LTBP4: variants seen among roughly 807,000 people sequenced by gnomAD.
LTBP4 encodes latent-transforming growth factor beta-binding protein 4.
Under a neutral mutation model 180.2 loss-of-function variants are expected in LTBP4, and 93 were observed. The ratio of observed to expected loss-of-function variants is 0.52; its 90% CI spans 0.44 to 0.61. LTBP4 has a LOEUF of 0.61. LTBP4 is among the 20% of genes least tolerant of loss of function. LTBP4 has a pLI of 0.00. For synonymous variants in LTBP4, 947 were observed against 934.5 expected (o/e 1.01, Z -0.24); for missense variants, 2,116 against 2,256.5 (o/e 0.94, Z 1.26).
chr19:40,618,788 A>T (rs2081566990), intron 21 of LTBP4, among the ~76,000 whole-genome samples: 1 of 152,250 alleles, frequency 6.6e-6, no homozygotes, highest in Non-Finnish European at 1.5e-5. Flanking sequence ...ATTTCTTTAA[A>T]GGGAATTAAA....
upstream of LTBP4, among the ~76,000 whole-genome samples, chr19:40,597,023 G>C (rs1349918699): frequency 1.3e-5 from 2 of 152,106 alleles, no homozygotes; most frequent in Non-Finnish European, 1.5e-5. Context: ...CCCCTAGTCC[G>C]GCACCTGTCC....
At position 40,611,980 on chromosome 19, in the gene LTBP4, C is replaced by T. The variant is rs141810975; in HGVS notation, c.2175C>T (p.Cys725=). ...AACCCAACACTGCTGGCTCCGAGTGCGAGGGTGAGGCCGGGGAGGGAGGGA... is the reference window on the plus strand; with the variant it reads ...AACCCAACACTGCTGGCTCCGAGTGTGAGGGTGAGGCCGGGGAGGGAGGGA... ...GFQPNTAGSE[C]EDVDECENHL... The change falls in exon 14 of 30, where the codon TGC becomes TGT. Residue 725 remains cysteine, a synonymous_variant. Transcript: ENST00000396819. This position sits in a 1 kb window ranked among gnomAD's most constrained non-coding sequence, Gnocchi z 4.4. 1.6e-3 allele frequency: 2,553 copies of T among 1,611,810 alleles called. 32 individuals carry two copies. In the African/African-American group the frequency reaches 0.031, roughly 20 times the overall value.
chr19:40,623,695 C>G lies in LTBP4; in HGVS notation c.3648C>G (p.Asn1216Lys). Residue 1216 changes from asparagine to lysine, a missense_variant, in exon 25 of 30, where the codon AAC becomes AAG. Physicochemically the swap from Asn to Lys is moderately conservative, Grantham distance 94. Transcript: ENST00000396819. ...CGGGCTACTCATGCTATTGCAGCAACGGCTACTACTACCACACACAGCGGC... is the reference window on the plus strand; with the variant it reads ...CGGGCTACTCATGCTATTGCAGCAAGGGCTACTACTACCACACACAGCGGC... ...TAPGYSCYCS[N>K]GYYYHTQRLE... The G allele has an allele frequency of 6.2e-7, 1 of 1,613,918 alleles. No homozygotes were observed. Among genetic ancestry groups the G allele is most frequent in the Non-Finnish European group, 8.5e-7 (1 of 1,179,890 alleles).
At position 40,612,004 on chromosome 19, in the gene LTBP4, G is replaced by A. The variant is rs1367847585; in HGVS notation, c.2179+20G>A. 1.2e-6 allele frequency: 2 copies of A among 1,612,900 alleles called. No homozygotes were observed. The highest frequency in any genetic ancestry group is 1.7e-4 in the Middle Eastern group (1 of 6,060). On this transcript the variant is annotated intron_variant, in intron 14 of 29. Coordinates refer to ENST00000396819, the MANE Select transcript of LTBP4 (RefSeq NM_001042545.2). ...GCGAGGGTGAGGCCGGGGAGGGAGG[G>A]AGGAGTGTGGATGGGTGAGGGGGGA... is the stretch of plus-strand genomic sequence containing the variant.
In LTBP4 at chr19:40,609,700, G is replaced by T; in HGVS notation, c.1558+39G>T. The stretch of plus-strand genomic sequence containing the variant: ...AGGGCGCGGAAGGAGGCGGGGCGGG[G>T]GGCTTTGCCTGGTCACCTTGTCACC... On this transcript the variant is annotated intron_variant, in intron 10 of 29. Coordinates refer to ENST00000396819, the MANE Select transcript of LTBP4 (RefSeq NM_001042545.2). The surrounding 1 kb of genome is among the most constrained non-coding windows in gnomAD (Gnocchi z 4.9). 1 of 1,611,344 alleles carries T rather than the reference G, an allele frequency of 6.2e-7. No homozygotes were observed. Among genetic ancestry groups the T allele is most frequent in the Non-Finnish European group, 8.5e-7 (1 of 1,178,378 alleles).
chr19:40,593,809 T>C (rs929669379), intron 1 of LTBP4, among the ~76,000 whole-genome samples: 3 of 152,098 alleles, frequency 2.0e-5, no homozygotes, highest in African/African-American at 7.2e-5. Context: ...ATTTCTTTTT[T>C]TTGAGACAGG....
Position 40,623,958 on chromosome 19 carries a change from G to A in LTBP4, c.3708G>A (p.Glu1236=), listed in dbSNP as rs954746852. ...ECIDNDECAD[E]EPACEGGRCV... is the part of the protein sequence containing the mutation. Reference sequence around the variant, plus strand: ...TAGACAATGACGAGTGCGCCGATGAGGAACCGGCCTGTGAGGGCGGCCGCT... The same window carrying A: ...TAGACAATGACGAGTGCGCCGATGAAGAACCGGCCTGTGAGGGCGGCCGCT... Residue 1236 remains glutamate, a synonymous_variant, in exon 26 of 30, where the codon GAG becomes GAA. Transcript: ENST00000396819. 1 of 1,613,958 alleles carries A rather than the reference G, an allele frequency of 6.2e-7. No homozygotes were observed. Among genetic ancestry groups the A allele is most frequent in the East Asian group, 2.2e-5 (1 of 44,882 alleles).
intron 19 of LTBP4, among the ~76,000 whole-genome samples, chr19:40,615,566 T>G (rs1358224049): frequency 6.6e-6 from 1 of 152,186 alleles, no homozygotes; most frequent in Non-Finnish European, 1.5e-5. Context: ...GAGACTAGCC[T>G]GGCCAACATG....
In LTBP4 at chr19:40,629,518, C is replaced by T. The variant is rs369835064; in HGVS notation, c.4642C>T (p.His1548Tyr). The part of the protein sequence containing the change: ...RPGFAPTHQP[H>Y]HCAPARPRA ...GGGATTCGCACCCACGCACCAGCCG[C>T]ACCACTGTGCGCCCGCACGGCCCCG... is the stretch of plus-strand genomic sequence containing the variant. Residue 1548 changes from histidine (H) to tyrosine (Y), a missense_variant, in exon 30 of 30, where the codon CAC (histidine) becomes TAC (tyrosine). His to Tyr is a moderately conservative substitution (Grantham distance 83). This residue lies in a region of LTBP4 where 488 missense variants were observed against 458.8 expected (regional missense o/e 1.06). Transcript: ENST00000396819. This position sits in a 1 kb window ranked among gnomAD's most constrained non-coding sequence, Gnocchi z 4.5. 9.4e-6 allele frequency: 15 copies of T among 1,587,712 alleles called. No individual in the cohort carries two copies. In the East Asian group the frequency reaches 2.5e-4, roughly 27 times the overall value.
At chr19:40,612,271 G>T (rs2081513570) in intron 15 of LTBP4, 79 bp downstream of exon 15, 4 of 1,493,102 alleles carry the variant, frequency 2.7e-6, no homozygotes, top group Admixed American at 2.0e-5. Flanking sequence ...CTATGACCTG[G>T]CCGTAACCTC....
In LTBP4 at chr19:40,625,975, C is replaced by T. The variant is rs1568414995; in HGVS notation, c.3951C>T (p.Gly1317=). Residue 1317 remains glycine, a synonymous_variant, in exon 27 of 30, where the codon GGC becomes GGT. Coordinates refer to ENST00000396819, the MANE Select transcript of LTBP4 (RefSeq NM_001042545.2). The stretch of plus-strand genomic sequence containing the variant: ...GCTGCCTGTATGGAGAGGCCTGGGG[C>T]ATGGACTGCGCCCTCTGCCCTGCGC... ...ECCCLYGEAW[G]MDCALCPAQD... is the part of the protein sequence containing the mutation. The T allele has an allele frequency of 1.9e-6, 3 of 1,608,394 alleles. No homozygotes were observed. The highest frequency in any genetic ancestry group is 2.5e-6 in the Non-Finnish European group (3 of 1,177,816).
Position 40,601,567 on chromosome 19 carries a change from C to T in LTBP4, c.180C>T (p.Pro60=), listed in dbSNP as rs2081424352. The change falls in exon 1 of 30, where the codon CCC becomes CCT. Residue 60 remains proline, a synonymous_variant. Coordinates refer to ENST00000396819, the MANE Select transcript of LTBP4 (RefSeq NM_001042545.2). ...TGSRCTPTCA[P]RNATSVDSGA... is the part of the protein sequence containing the mutation. ...CCCGCTGTACCCCGACCTGCGCGCC[C>T]CGCAACGCCACCAGCGTGGACAGCG... 3 of 1,472,944 alleles carry T rather than the reference C, an allele frequency of 2.0e-6. No individual in the cohort carries two copies. In the East Asian group the frequency reaches 8.7e-5, roughly 43 times the overall value. 91.2% of individuals were successfully genotyped at this position (1,472,944 alleles called of 1,614,324 possible).
chr19:40,618,835 T>A (rs1188943068), intron 21 of LTBP4, among the ~76,000 whole-genome samples: 4 of 152,184 alleles, frequency 2.6e-5, no homozygotes, highest in African/African-American at 9.7e-5. Context: ...ACTCCAGGCA[T>A]AACTGGATCC....
intron 6 of LTBP4, 80 bp from the exon 7 acceptor site, chr19:40,607,285 C>A: frequency 1.5e-5 from 16 of 1,099,336 alleles, no homozygotes; most frequent in Non-Finnish European, 2.0e-5. Context: ...ACCCCAGAAC[C>A]ATTCCCCTCT....
chr19:40,625,365 G>C (rs1234216017), intron 26 of LTBP4, among the ~76,000 whole-genome samples: 1 of 129,544 alleles, frequency 7.7e-6, no homozygotes, highest in Non-Finnish European at 1.6e-5. Flanking sequence ...GGCTGGTCTT[G>C]AACTCATGGG....
rs773622227 is a variant in LTBP4, at chr19:40,605,508, T to C, written c.546T>C (p.Ala182=). Residue 182 remains alanine, a synonymous_variant, in exon 3 of 30, where the codon GCT becomes GCC. Transcript: ENST00000396819. This position sits in a 1 kb window ranked among gnomAD's most constrained non-coding sequence, Gnocchi z 5.5. ...CTGGCCCTTGGGAGGAGGCGGACGC[T>C]GAGGCGGTGGCGCGGGCGGAAGCGG... ...RVSGPWEEAD[A]EAVARAEAAA... 1 of 1,609,758 alleles carries C rather than the reference T, an allele frequency of 6.2e-7. No individual in the cohort carries two copies. The highest frequency in any genetic ancestry group is 1.1e-5 in the South Asian group (1 of 91,032).
In LTBP4 at chr19:40,627,048, C is replaced by T. The variant is rs534383558; in HGVS notation, c.4059C>T (p.Leu1353=). 2.9e-5 allele frequency: 46 copies of T among 1,613,214 alleles called. No homozygotes were observed. In the East Asian group the frequency reaches 6.9e-4, roughly 24 times the overall value. ...CCCCGCGACCAGGTGGCTTTGGACT[C>T]CCCTACGAGTACGGCCCAGACTTAG... ...YSPPRPGGFG[L]PYEYGPDLGP... The change falls in exon 28 of 30, where the codon CTC becomes CTT. Residue 1353 remains leucine, a synonymous_variant. Transcript: ENST00000396819.
chr19:40,610,143 T>C (rs2081494752), intron 11 of LTBP4: 2 of 477,862 alleles, frequency 4.2e-6, no homozygotes, highest in South Asian at 3.7e-5. Flanking sequence ...GGCCCCGCCC[T>C]TATTGGCCAC....
chr19:40,595,329 G>T (rs1035648406), intron 1 of LTBP4, among the ~76,000 whole-genome samples: 1 of 152,072 alleles, frequency 6.6e-6, no homozygotes, highest in African/African-American at 2.4e-5. Context: ...TCAAAGAATT[G>T]ATCCCTTCTC....
Sources: allele counts gnomAD v4.1 joint callset (sites outside exome capture counted in the v4.1 genomes callset), GRCh38; gene constraint gnomAD v4.1.1; regional missense constraint gnomAD v4.1.1; non-coding constraint Gnocchi (gnomAD v3.1); transcripts MANE v1.5; gene names NCBI Gene and HGNC (gene_info 2026-07-23, HGNC 2026-07-21).